Variants in OTOF observed in about 807,000 individuals in gnomAD.
OTOF encodes fer-1-like family member 2.
Under a neutral mutation model 236.8 loss-of-function variants are expected in OTOF, and 218 were observed. The ratio of observed to expected loss-of-function variants is 0.92; its 90% CI spans 0.82 to 1.03. The LOEUF (loss-of-function observed/expected upper bound fraction) is 1.03. Ranked by LOEUF, OTOF falls within the 50% of genes least tolerant of loss-of-function variation. The pLI is 0.00. For missense variants in OTOF, 2,590 were observed against 2,694.4 expected, an observed-to-expected ratio of 0.96 and a Z score of 0.86; for synonymous variants, 1,041 against 1,072.5, an observed-to-expected ratio of 0.97 and a Z score of 0.57.
chr2:26,496,028 G>A (rs1275799631), intron 8 of OTOF, among the ~76,000 whole-genome samples: 1 of 152,104 alleles, frequency 6.6e-6, no homozygotes, highest in South Asian at 2.1e-4. Context: ...TGCCTGAGCC[G>A]CCTTTTTCAG....
intron 5 of OTOF, among the ~76,000 whole-genome samples, chr2:26,511,684 A>T (rs1164673560): frequency 6.6e-6 from 1 of 152,182 alleles, no homozygotes; most frequent in Non-Finnish European, 1.5e-5. Flanking sequence ...TCGGCTGCCC[A>T]CATCAGCTGA....
chr2:26,557,670 C>T (rs72815294), intron 1 of OTOF, among the ~76,000 whole-genome samples: 19,891 of 152,006 alleles, frequency 0.13, 1,557 homozygotes, highest in East Asian at 0.19. Flanking sequence ...AGCTCCCACC[C>T]GCTGGTCCTT....
At chr2:26,467,616 G>A in intron 33 of OTOF, 115 bp from the exon 34 acceptor site, 1 of 1,299,720 alleles carries the variant, frequency 7.7e-7, no homozygotes, top group Non-Finnish European at 1.1e-6. Context: ...GGATGTCCAT[G>A]TGCTGTCAAA....
chr2:26,541,426 T>C (rs967232509), intron 1 of OTOF, among the ~76,000 whole-genome samples: 10 of 152,196 alleles, frequency 6.6e-5, no homozygotes, highest in Non-Finnish European at 1.0e-4. Context: ...CCTGTAGATA[T>C]TCTTTTTTAA....
intron 5 of OTOF, among the ~76,000 whole-genome samples, chr2:26,506,290 A>G (rs1212785829): frequency 6.6e-6 from 1 of 152,090 alleles, no homozygotes; most frequent in Non-Finnish European, 1.5e-5. Context: ...TTGCACCATT[A>G]CTTCTTGGCC....
chr2:26,477,229 C>T lies in OTOF; in HGVS notation c.2466G>A (p.Arg822=), dbSNP rs1427990318. Residue 822 remains arginine, a synonymous_variant, in exon 21 of 47, where the codon CGG becomes CGA. Transcript: ENST00000272371. The surrounding 1 kb of genome is among the most constrained non-coding windows in gnomAD (Gnocchi z 4.7). ...AGTTCTGGCACAGCCTCAGCTTGTCCCGCACCGTGTGCCGCTTCACCTGGG... is the reference window on the plus strand; with the variant it reads ...AGTTCTGGCACAGCCTCAGCTTGTCTCGCACCGTGTGCCGCTTCACCTGGG... The part of the protein sequence containing the change: ...LRAQVKRHTV[R]DKLRLCQNFL... 1 of 1,610,160 alleles carries T rather than the reference C, an allele frequency of 6.2e-7. No individual in the cohort carries two copies. Among genetic ancestry groups the T allele is most frequent in the East Asian group, 2.2e-5 (1 of 44,832 alleles).
At chr2:26,548,086 A>G (rs572440460) in intron 1 of OTOF, among the ~76,000 whole-genome samples, 6 of 152,198 alleles carry the variant, frequency 3.9e-5, no homozygotes, top group Non-Finnish European at 8.8e-5. Context: ...TATTGGTAAT[A>G]TTCCCATATT....
In OTOF at chr2:26,460,932, C is replaced by T. The variant is rs757360892; in HGVS notation, c.5632G>A (p.Val1878Met). 43 of 1,614,000 alleles carry T rather than the reference C, an allele frequency of 2.7e-5. No individual in the cohort carries two copies. The highest frequency in any genetic ancestry group is 1.6e-4 in the East Asian group (7 of 44,886). Residue 1878 changes from valine (V) to methionine (M), a missense_variant, in exon 44 of 47, where the codon GTG (valine) becomes ATG (methionine). Transcript: ENST00000272371. The surrounding 1 kb of genome is among the most constrained non-coding windows in gnomAD (Gnocchi z 5.3). ...MATGEVDVPL[V>M]SIFKQKRVKG... The stretch of plus-strand genomic sequence containing the variant: ...ACGCGCTTTTGCTTGAAGATGGACA[C>T]GAGGGGCACGTCCACCTCCCCGGTG...
At chr2:26,482,953 G>A (rs1408969335) in intron 13 of OTOF, among the ~76,000 whole-genome samples, 1 of 146,708 alleles carries the variant, frequency 6.8e-6, no homozygotes, top group Non-Finnish European at 1.5e-5. Context: ...GTGGGTGCAT[G>A]TGTGCACGTG....
chr2:26,483,016 GGT>G (rs1217240142), intron 13 of OTOF, among the ~76,000 whole-genome samples: 7 of 111,550 alleles, frequency 6.3e-5, no homozygotes, highest in African/African-American at 2.1e-4. Flanking sequence ...TGTGTGAATG[GGT>G]GTGTGTGCGT....
rs1416466786 is a variant in OTOF at position 26,470,652 on chromosome 2, C to G, written c.3964G>C (p.Asp1322His). The change falls in exon 32 of 47, where the codon GAC becomes CAC. Residue 1322 changes from aspartate to histidine, a missense_variant. By Grantham distance (81) the Asp-to-His change is moderately conservative (BLOSUM62 -1). Coordinates refer to ENST00000272371, the MANE Select transcript of OTOF (RefSeq NM_194248.3). This position sits in a 1 kb window ranked among gnomAD's most constrained non-coding sequence, Gnocchi z 4.3. ...GACCACCAGTCCAGCATGCTCTCGT[C>G]TGGCTCCTCCTCCTCTGGCTCCTCC... Reference protein sequence around the residue: ...TAEEPEEEEPDESMLDWWSKY... With the variant: ...TAEEPEEEEPHESMLDWWSKY... 1.9e-6 allele frequency: 3 copies of G among 1,614,142 alleles called. No individual in the cohort carries two copies. The highest frequency in any genetic ancestry group is 3.3e-5 in the Admixed American group (2 of 60,022).
chr2:26,538,298 G>A (rs1192633929), intron 1 of OTOF, among the ~76,000 whole-genome samples: 2 of 152,240 alleles, frequency 1.3e-5, no homozygotes, highest in Non-Finnish European at 2.9e-5. Context: ...CTTCCAGACA[G>A]CCATTCCCCG....
chr2:26,497,434 T>A (rs115154579), intron 8 of OTOF, among the ~76,000 whole-genome samples: 4,246 of 152,318 alleles, frequency 0.028, 102 homozygotes, highest in Middle Eastern at 0.1. Flanking sequence ...TTTTCATGCC[T>A]GTCATCTTGG....
Position 26,460,598 on chromosome 2 carries a change from C to T in OTOF, c.5813+49G>A, listed in dbSNP as rs551461651. On this transcript the variant is annotated intron_variant, in intron 45 of 46. Transcript: ENST00000272371. This position sits in a 1 kb window ranked among gnomAD's most constrained non-coding sequence, Gnocchi z 5.3. ...GGGGATCGTCTCCTTCCTGTTCCAG[C>T]GCCTCCAAGAGCCAGAGTGGGGAGG... 71 of 1,426,418 alleles carry T rather than the reference C, an allele frequency of 5.0e-5. No homozygotes were observed. In the East Asian group the frequency reaches 7.8e-4, roughly 16 times the overall value. 88.4% of individuals were successfully genotyped at this position (1,426,418 alleles called of 1,614,324 possible). A position where few individuals can be genotyped will look rare whatever the true frequency, so the allele number is the denominator to read the frequency against.
At chr2:26,517,904 C>G (rs1666575584) in intron 4 of OTOF, among the ~76,000 whole-genome samples, 1 of 152,178 alleles carries the variant, frequency 6.6e-6, no homozygotes, top group Non-Finnish European at 1.5e-5. Flanking sequence ...TCTCACTTCC[C>G]ACACTACACT....
At chr2:26,495,183 C>T in intron 8 of OTOF, 110 bp from the exon 9 acceptor site, 1 of 1,052,462 alleles carries the variant, frequency 9.5e-7, no homozygotes. Flanking sequence ...GGCCCGGGAG[C>T]CAGCACTGGC....
intron 46 of OTOF, 24 bp from the exon 47 acceptor site, chr2:26,458,244 G>A (rs779674344): frequency 2.2e-5 from 34 of 1,557,178 alleles, no homozygotes; most frequent in Non-Finnish European, 2.7e-5. Context: ...GAGAGGAGCC[G>A]GTCAGCCAGT....
chr2:26,524,444 G>T (rs1340676764), intron 3 of OTOF, among the ~76,000 whole-genome samples: 1 of 152,232 alleles, frequency 6.6e-6, no homozygotes, highest in African/African-American at 2.4e-5. Context: ...AGGAGGCAGA[G>T]GTTGCAATGA....
At position 26,471,162 on chromosome 2, in the gene OTOF, C is replaced by T. The variant is rs374902867; in HGVS notation, c.3865-12G>A. The T allele has an allele frequency of 9.2e-5, 148 of 1,613,970 alleles. 1 individual carries two copies. The highest frequency in any genetic ancestry group is 1.1e-4 in the Non-Finnish European group (130 of 1,180,000). On this transcript the variant is annotated splice_polypyrimidine_tract_variant and intron_variant, in intron 30 of 46. Transcript: ENST00000272371. ...ACAGCTTCAGAAGTCTGCAGAGGAACCAAGGAGACAGGGGCAGAATCAGCC... is the reference window on the plus strand; with the variant it reads ...ACAGCTTCAGAAGTCTGCAGAGGAATCAAGGAGACAGGGGCAGAATCAGCC...
Sources: allele counts gnomAD v4.1 joint callset (sites outside exome capture counted in the v4.1 genomes callset), GRCh38; gene constraint gnomAD v4.1.1; non-coding constraint Gnocchi (gnomAD v3.1); transcripts MANE v1.5; gene names NCBI Gene and HGNC (gene_info 2026-07-23, HGNC 2026-07-21).